The following TLN2 variants were observed in gnomAD, a reference collection of about 807,000 sequenced individuals.
The protein encoded by TLN2 is talin 2.
TLN2 carries 118 observed loss-of-function variants against 294.7 expected under a neutral mutation model. The ratio of observed to expected loss-of-function variants is 0.40; its 90% CI spans 0.34 to 0.47. TLN2 has a LOEUF of 0.47. Ranked by LOEUF, TLN2 falls within the 20% of genes least tolerant of loss-of-function variation. The probability of loss-of-function intolerance (pLI) is 0.84; values close to 1 mark genes in which losing one functional copy is unlikely to be tolerated. For missense variants in TLN2, 3,083 were observed against 3,282.2 expected (o/e 0.94, Z 1.48); for synonymous variants, 1,431 against 1,304.5 (o/e 1.10, Z -2.09).
At chr15:62,630,910 G>A (rs985619683) in intron 3 of TLN2, among the ~76,000 whole-genome samples, 1 of 152,098 alleles carries the variant, frequency 6.6e-6, no homozygotes, top group African/African-American at 2.4e-5. Context: ...GGAGTGTGAA[G>A]GGGGAATGAA....
At position 62,520,202 on chromosome 15, in the gene TLN2, G is replaced by A. The variant is rs116423805; in HGVS notation, c.-237-69485G>A. 6.4e-3 allele frequency among the ~76,000 whole-genome samples: 973 copies of A among 152,346 alleles called. 11 individuals carry two copies. The highest frequency in any genetic ancestry group is 0.022 in the African/African-American group (920 of 41,560). On this transcript the variant is annotated intron_variant, in intron 1 of 58. Coordinates refer to ENST00000636159, the MANE Select transcript of TLN2 (RefSeq NM_015059.3). ...CATGATGAGATTTGTTAGGGACACA[G>A]CCAAACCATATCAGTGTCTAAAATC...
intron 54 of TLN2, among the ~76,000 whole-genome samples, chr15:62,823,762 C>G (rs976560855): frequency 1.3e-5 from 2 of 152,150 alleles, no homozygotes; most frequent in East Asian, 1.9e-4. Flanking sequence ...TGCTGTTCAC[C>G]TGGGGAGATG....
chr15:62,741,505 C>G (rs1292532203), intron 32 of TLN2, among the ~76,000 whole-genome samples: 1 of 152,120 alleles, frequency 6.6e-6, no homozygotes, highest in African/African-American at 2.4e-5. Context: ...GCCCCTCTTT[C>G]ATTTTCCTGA....
At chr15:62,836,623 TCCCAGAG>T (rs961853079) in intron 57 of TLN2, among the ~76,000 whole-genome samples, 6 of 152,252 alleles carry the variant, frequency 3.9e-5, no homozygotes, top group African/African-American at 1.4e-4. Context: ...TGTTGCTGTT[TCCCAGAG>T]CCCAGAGAAC....
At chr15:62,495,768 C>T (rs1000001929) in intron 1 of TLN2, among the ~76,000 whole-genome samples, 3 of 152,102 alleles carry the variant, frequency 2.0e-5, no homozygotes, top group African/African-American at 7.2e-5. Flanking sequence ...CCTAAAGGGC[C>T]ACATTCCACT....
rs1056385280 is a variant in TLN2, at chr15:62,584,558, G to A, written c.-237-5129G>A. ...AGCCTCTAGCTGGAAAGTCAGTGCA[G>A]GGAAGCCATGAGCAGAGAACTGGGC... On this transcript the variant is annotated intron_variant, in intron 1 of 58. Coordinates refer to ENST00000636159, the MANE Select transcript of TLN2 (RefSeq NM_015059.3). Among the ~76,000 whole-genome samples, 20 of 152,312 alleles carry A rather than the reference G, an allele frequency of 1.3e-4. 1 individual carries two copies. The East Asian group carries it at 3.9e-3, about 29-fold the overall frequency.
intron 1 of TLN2, among the ~76,000 whole-genome samples, chr15:62,451,236 A>G (rs2036126270): frequency 6.6e-6 from 1 of 152,168 alleles, no homozygotes; most frequent in African/African-American, 2.4e-5. Context: ...CCCCACTGCT[A>G]GCCCCATGTG....
chr15:62,394,751 T>G (rs996884332), intron 1 of TLN2, among the ~76,000 whole-genome samples: 3 of 152,198 alleles, frequency 2.0e-5, no homozygotes, highest in African/African-American at 7.2e-5. Context: ...TAGACCTCTC[T>G]TGTGTGTTGA....
chr15:62,695,662 A>T (rs571072089), intron 14 of TLN2, among the ~76,000 whole-genome samples: 5 of 152,282 alleles, frequency 3.3e-5, no homozygotes, highest in East Asian at 3.9e-4. Flanking sequence ...TTTGCTTCCT[A>T]ATCACCCAAA....
intron 54 of TLN2, among the ~76,000 whole-genome samples, chr15:62,823,410 C>A (rs2067752272): frequency 6.6e-6 from 1 of 152,194 alleles, no homozygotes; most frequent in African/African-American, 2.4e-5. Flanking sequence ...TGAATCACTT[C>A]TCTCCATTCT....
Position 62,405,198 on chromosome 15 carries a change from G to C in TLN2, c.-238+14513G>C, listed in dbSNP as rs191919436. Among the ~76,000 whole-genome samples the C allele has an allele frequency of 1.3e-4, 20 of 152,246 alleles. No individual in the cohort carries two copies. The East Asian group carries it at 3.3e-3, about 25-fold the overall frequency. ...ATTCAGGGTTGCGGTTCTTAGCCCT[G>C]GGTACGCTTCAGAATCTCTAGGGAA... On this transcript the variant is annotated intron_variant, in intron 1 of 58. Coordinates refer to ENST00000636159, the MANE Select transcript of TLN2 (RefSeq NM_015059.3).
chr15:62,750,353 T>C (rs776562904), intron 33 of TLN2, 49 bp from the exon 34 acceptor site: 6 of 1,509,968 alleles, frequency 4.0e-6, no homozygotes, highest in Non-Finnish European at 5.5e-6. Flanking sequence ...TGAATTTCTT[T>C]TGCTCTATGA....
At chr15:62,626,027 TGA>T (rs1187100008) in intron 3 of TLN2, among the ~76,000 whole-genome samples, 1 of 152,182 alleles carries the variant, frequency 6.6e-6, no homozygotes, top group Non-Finnish European at 1.5e-5. Flanking sequence ...AGGGCAAGTT[TGA>T]GAGAGTCTTC....
At chr15:62,532,160 C>A (rs2041079204) in intron 1 of TLN2, among the ~76,000 whole-genome samples, 1 of 152,064 alleles carries the variant, frequency 6.6e-6, no homozygotes, top group Non-Finnish European at 1.5e-5. Context: ...GGCAATCCTC[C>A]CGTCTTGGCC....
chr15:62,712,116 A>G, intron 22 of TLN2, 39 bp downstream of exon 22: 2 of 1,595,880 alleles, frequency 1.3e-6, no homozygotes, highest in Non-Finnish European at 1.7e-6. Context: ...AGTGAACACT[A>G]TTAAGTGTTA....
At chr15:62,398,157 C>A (rs2032716905) in intron 1 of TLN2, among the ~76,000 whole-genome samples, 1 of 152,110 alleles carries the variant, frequency 6.6e-6, no homozygotes, top group Non-Finnish European at 1.5e-5. Context: ...AGTTATTGAA[C>A]CATGGGGGTG....
intron 9 of TLN2, among the ~76,000 whole-genome samples, chr15:62,664,876 A>AAAAAAAAAAAAAAAAAT (rs2054390032): frequency 6.7e-6 from 1 of 149,444 alleles, no homozygotes. Flanking sequence ...AAAAAAAAAA[A>AAAAAAAAAAAAAAAAAT]AAGTGGCTAC....
rs1204423566 is a variant in TLN2 at position 62,800,686 on chromosome 15, A to T, written c.6394A>T (p.Thr2132Ser). The T allele has an allele frequency of 6.2e-7, 1 of 1,614,120 alleles. No individual in the cohort carries two copies. Among genetic ancestry groups the T allele is most frequent in the Non-Finnish European group, 8.5e-7 (1 of 1,180,010 alleles). Reference sequence around the variant, plus strand: ...GACCAATGTCACCTCGCTCCTCAAGACTGTAAAGGCAGTGGAGGATGAGGC... The same window carrying T: ...GACCAATGTCACCTCGCTCCTCAAGTCTGTAAAGGCAGTGGAGGATGAGGC... ...MVTNVTSLLK[T>S]VKAVEDEATR... Residue 2132 changes from threonine to serine, a missense_variant, in exon 50 of 59, where the codon ACT (threonine) becomes TCT (serine). Physicochemically the swap from Thr to Ser is moderately conservative, Grantham distance 58 (BLOSUM62 1). Coordinates refer to ENST00000636159, the MANE Select transcript of TLN2 (RefSeq NM_015059.3).
chr15:62,411,031 A>T (rs568690868), intron 1 of TLN2, among the ~76,000 whole-genome samples: 8 of 152,322 alleles, frequency 5.3e-5, no homozygotes, highest in East Asian at 1.9e-4. Flanking sequence ...GGAGTCATTC[A>T]TCAGTTTGGC....
Sources: gnomAD v4.1 joint callset for allele counts (sites outside exome capture counted in the v4.1 genomes callset) on GRCh38, gnomAD v4.1.1 for gene constraint, MANE v1.5 for transcripts, NCBI Gene and HGNC (gene_info 2026-07-23, HGNC 2026-07-21) for gene names.